Variants in SLITRK4 observed in about 807,000 individuals in gnomAD.
The protein encoded by SLITRK4 is SLIT and NTRK-like protein 4.
Under a neutral mutation model 34.7 loss-of-function variants are expected in SLITRK4, and 7 were observed. The observed-to-expected ratio is 0.20, with a 90% CI of 0.11 to 0.38. The LOEUF is 0.38. SLITRK4 is among the 10% of genes least tolerant of loss of function. The probability of loss-of-function intolerance (pLI) is 1.00; values close to 1 mark genes in which losing one functional copy is unlikely to be tolerated. For synonymous variants in SLITRK4, 237 were observed against 246.2 expected, an observed-to-expected ratio of 0.96 and a Z score of 0.35; for missense variants, 474 against 607.0, an observed-to-expected ratio of 0.78 and a Z score of 2.30.
chrX:143,631,187 A>T, intron 1 of SLITRK4, 29 bp from the exon 2 acceptor site: 1 of 824,841 alleles, frequency 1.2e-6, no homozygotes. Context: ...ACATTTTTTC[A>T]ATGGTCATTA....
rs1930799900 is a variant in SLITRK4, at chrX:143,626,783, A to G, written c.*1812T>C. 9.4e-6 allele frequency: 1 copy of G among 106,567 alleles called. No individual in the cohort carries two copies. Among genetic ancestry groups the G allele is most frequent in the Non-Finnish European group, 1.9e-5 (1 of 51,693 alleles). 8.8% of individuals were successfully genotyped at this position (106,567 alleles called of 1,213,427 possible). On this transcript the variant is annotated 3_prime_UTR_variant, in exon 2 of 2. Coordinates refer to ENST00000356928, the MANE Select transcript of SLITRK4 (RefSeq NM_001184749.3). ...AGAGATAGGACACACACTCTCACAC[A>G]TGCACACACACACACTATATATATA...
At chrX:143,632,320 G>C (rs1556429039) in intron 1 of SLITRK4, among the ~76,000 whole-genome samples, 1 of 111,634 alleles carries the variant, frequency 9.0e-6, no homozygotes, top group East Asian at 2.8e-4. Context: ...TGTTGGTAGA[G>C]TTTAATGCTT....
intron 1 of SLITRK4, chrX:143,635,196 T>A (rs1208930344): frequency 1.7e-5 from 1 of 60,364 alleles, no homozygotes; most frequent in African/African-American, 6.5e-5. Flanking sequence ...CTCCCGACAC[T>A]CGACCACTTT....
chrX:143,634,799 A>G (rs2124337155), intron 1 of SLITRK4: 1 of 108,972 alleles, frequency 9.2e-6, no homozygotes, highest in East Asian at 3.0e-4. Context: ...ACGCACGCAC[A>G]CGCGCTACTG....
At position 143,631,142 on chromosome X, in the gene SLITRK4, G is replaced by C. The variant is rs1931024261; in HGVS notation, c.-34C>G. 7.9e-6 allele frequency: 8 copies of C among 1,016,407 alleles called. No individual in the cohort carries two copies. The highest frequency in any genetic ancestry group is 1.0e-5 in the Non-Finnish European group (8 of 763,790). The allele number at this position is 1,016,407 out of a possible 1,213,427, so 83.8% of individuals were successfully genotyped here. ...AATCAGCAAACAACTGTATGCTTCT[G>C]AATAAAGAGAAATAATCTAAAAAAT... On this transcript the variant is annotated 5_prime_UTR_variant, in exon 2 of 2. Transcript: ENST00000356928.
intron 1 of SLITRK4, 127 bp from the exon 2 acceptor site, chrX:143,631,285 C>T (rs1931032165): frequency 7.7e-6 from 3 of 389,551 alleles, no homozygotes; most frequent in Non-Finnish European, 1.3e-5. Flanking sequence ...ATCAAACCTC[C>T]AAATAGTCTC....
At position 143,628,958 on chromosome X, in the gene SLITRK4, C is replaced by T. The variant is rs1232645629; in HGVS notation, c.2151G>A (p.Gln717=). 1 of 1,211,500 alleles carries T rather than the reference C, an allele frequency of 8.3e-7. No individual in the cohort carries two copies. The highest frequency in any genetic ancestry group is 1.1e-6 in the Non-Finnish European group (1 of 895,403). ...CGGCCACATTTCTCATAACAACTTT[C>T]TGTCCTGGAGGATCTGAAAACATGA... ...TGFMFSDPPG[Q]KVVMRNVADK... The change falls in exon 2 of 2, where the codon CAG becomes CAA. Residue 717 remains glutamine (Q), a synonymous_variant. Coordinates refer to ENST00000356928, the MANE Select transcript of SLITRK4 (RefSeq NM_001184749.3).
rs1930848495 is a variant in SLITRK4 at position 143,627,911 on chromosome X, G to T, written c.*684C>A. On this transcript the variant is annotated 3_prime_UTR_variant, in exon 2 of 2. Coordinates refer to ENST00000356928, the MANE Select transcript of SLITRK4 (RefSeq NM_001184749.3). ...TAACTCACGTTGATTTTTTCTTTTA[G>T]ATTTTTATGTATAGACAGGTAATGC... 5.6e-6 allele frequency: 1 copy of T among 177,906 alleles called. No homozygotes were observed. Among genetic ancestry groups the T allele is most frequent in the Admixed American group, 8.1e-5 (1 of 12,286 alleles). 14.7% of individuals were successfully genotyped at this position (177,906 alleles called of 1,213,427 possible).
At chrX:143,631,218 T>C (rs1931029244) in intron 1 of SLITRK4, 60 bp from the exon 2 acceptor site, 9 of 627,892 alleles carry the variant, frequency 1.4e-5, no homozygotes, top group Non-Finnish European at 1.9e-5. Context: ...TACTTGTATG[T>C]AAATCATACC....
rs1447791653 is a variant in SLITRK4, at chrX:143,624,546, G to T, written c.*4049C>A. On this transcript the variant is annotated 3_prime_UTR_variant, in exon 2 of 2. Transcript: ENST00000356928. ...TTGAAAATATGTTTCTAAAGAAAGC[G>T]TTTTTTTTAACAGAGATTTAGCAGT... 1 of 109,324 alleles carries T rather than the reference G, an allele frequency of 9.1e-6. No homozygotes were observed. Among genetic ancestry groups the T allele is most frequent in the African/African-American group, 3.3e-5 (1 of 30,432 alleles). The allele number at this position is 109,324 out of a possible 1,213,427, so 9.0% of individuals were successfully genotyped here.
intron 1 of SLITRK4, among the ~76,000 whole-genome samples, chrX:143,632,241 C>G (rs782083263): frequency 7.2e-5 from 8 of 111,457 alleles, no homozygotes; most frequent in Non-Finnish European, 1.5e-4. Flanking sequence ...TCATCAGTTC[C>G]AAACACCCAC....
rs960265352 is a variant in SLITRK4, at chrX:143,624,056, A to G, written c.*4539T>C. ...TATGTATACGTGTAAAGCAACAACA[A>G]TCTTAATTTATATTCTCTCTCTCTC... On this transcript the variant is annotated 3_prime_UTR_variant, in exon 2 of 2. Coordinates refer to ENST00000356928, the MANE Select transcript of SLITRK4 (RefSeq NM_001184749.3). 9.0e-6 allele frequency: 1 copy of G among 111,643 alleles called. No individual in the cohort carries two copies. Among genetic ancestry groups the G allele is most frequent in the African/African-American group, 3.3e-5 (1 of 30,745 alleles). The allele number at this position is 111,643 out of a possible 1,213,427, so 9.2% of individuals were successfully genotyped here.
chrX:143,627,193 A>G lies in SLITRK4; in HGVS notation c.*1402T>C, dbSNP rs1445319756. 1 of 109,259 alleles carries G rather than the reference A, an allele frequency of 9.2e-6. No homozygotes were observed. The highest frequency in any genetic ancestry group is 1.9e-5 in the Non-Finnish European group (1 of 52,564). 9.0% of individuals were successfully genotyped at this position (109,259 alleles called of 1,213,427 possible). On this transcript the variant is annotated 3_prime_UTR_variant, in exon 2 of 2. Transcript: ENST00000356928. ...ATGATGTTTACAGTTCTACTAGATTATCTGATAGTAGTCTGAATGATGAAA... is the reference window on the plus strand; with the variant it reads ...ATGATGTTTACAGTTCTACTAGATTGTCTGATAGTAGTCTGAATGATGAAA...
At chrX:143,631,873 G>T (rs1241366600) in intron 1 of SLITRK4, among the ~76,000 whole-genome samples, 1 of 111,751 alleles carries the variant, frequency 8.9e-6, no homozygotes, top group Non-Finnish European at 1.9e-5. Flanking sequence ...TTATTTTCTG[G>T]TAAATAAACA....
At chrX:143,632,611 C>T (rs1931077145) in intron 1 of SLITRK4, among the ~76,000 whole-genome samples, 1 of 111,647 alleles carries the variant, frequency 9.0e-6, no homozygotes, top group South Asian at 3.8e-4. Flanking sequence ...ATTTTACCCA[C>T]GAGGAATCAG....
chrX:143,625,371 A>C lies in SLITRK4; in HGVS notation c.*3224T>G, dbSNP rs2124317520. 9.0e-6 allele frequency: 1 copy of C among 111,668 alleles called. No individual in the cohort carries two copies. Among genetic ancestry groups the C allele is most frequent in the Admixed American group, 9.5e-5 (1 of 10,510 alleles). The allele number at this position is 111,668 out of a possible 1,213,427, so 9.2% of individuals were successfully genotyped here. ...CAAAGTCTTACTTTTAAAGAATTGA[A>C]TCATCTTTATTGATTTCATAAAAAA... On this transcript the variant is annotated 3_prime_UTR_variant, in exon 2 of 2. Transcript: ENST00000356928.
rs782150026 is a variant in SLITRK4, at chrX:143,629,143, G to A, written c.1966C>T (p.Leu656=). ...ATGGAGCCACAGTCAGGATTCCCCA[G>A]GCCTTCGTGCTTCACTGTGGGTTTC... ...NKKPTVKHEG[L]GNPDCGSMQL... The change falls in exon 2 of 2, where the codon CTG becomes TTG. Residue 656 remains leucine (L), a synonymous_variant. Transcript: ENST00000356928. 8.3e-7 allele frequency: 1 copy of A among 1,211,797 alleles called. No homozygotes were observed. Among genetic ancestry groups the A allele is most frequent in the South Asian group, 1.8e-5 (1 of 56,944 alleles).
Position 143,623,042 on chromosome X carries a change from T to C in SLITRK4, c.*5553A>G, listed in dbSNP as rs2124314154. The C allele has an allele frequency of 9.0e-6, 1 of 110,916 alleles. No individual in the cohort carries two copies. Among genetic ancestry groups the C allele is most frequent in the Non-Finnish European group, 1.9e-5 (1 of 52,836 alleles). 9.1% of individuals were successfully genotyped at this position (110,916 alleles called of 1,213,427 possible). ...GATCTAGTATTTGTGAGGTGCCAAC[T>C]AAGAGAAATATATTGTTCAGAAACT... On this transcript the variant is annotated 3_prime_UTR_variant, in exon 2 of 2. Coordinates refer to ENST00000356928, the MANE Select transcript of SLITRK4 (RefSeq NM_001184749.3).
Position 143,630,308 on chromosome X carries a change from G to T in SLITRK4, c.801C>A (p.Gly267=), listed in dbSNP as rs782004472. The change falls in exon 2 of 2, where the codon GGC becomes GGA. Residue 267 remains glycine (G), a synonymous_variant. Transcript: ENST00000356928. ...NKQELCPMGT[G]SDFDVRILPP... Reference sequence around the variant, plus strand: ...GCAGGATGCGCACGTCAAAATCACTGCCGGTGCCCATGGGACATAGCTCTT... The same window carrying T: ...GCAGGATGCGCACGTCAAAATCACTTCCGGTGCCCATGGGACATAGCTCTT... The T allele has an allele frequency of 8.3e-7, 1 of 1,211,862 alleles. No homozygotes were observed. Among genetic ancestry groups the T allele is most frequent in the African/African-American group, 1.7e-5 (1 of 57,789 alleles).
Sources: gnomAD v4.1 joint callset for allele counts (sites outside exome capture counted in the v4.1 genomes callset) on GRCh38, gnomAD v4.1.1 for gene constraint, MANE v1.5 for transcripts, NCBI Gene and HGNC (gene_info 2026-07-23, HGNC 2026-07-21) for gene names.